Variants in GARRE1 observed in about 807,000 individuals in gnomAD.
The protein encoded by GARRE1 is granule associated Rac and RHOG effector protein 1.
GARRE1 carries 49 observed loss-of-function variants against 103.2 expected under a neutral mutation model. The ratio of observed to expected loss-of-function variants is 0.47; its 90% confidence interval spans 0.38 to 0.60. GARRE1 has a LOEUF of 0.60. Among genes scored for constraint, GARRE1 ranks in the 20% least tolerant of loss-of-function variants. The pLI is 0.00. For synonymous variants in GARRE1, 505 were observed against 532.8 expected, an observed-to-expected ratio of 0.95 and a Z score of 0.72; for missense variants, 1,199 against 1,370.5, an observed-to-expected ratio of 0.87 and a Z score of 1.98.
chr19:34,320,803 C>T (rs1206549158), intron 3 of GARRE1, among the ~76,000 whole-genome samples: 1 of 151,088 alleles, frequency 6.6e-6, no homozygotes, highest in African/African-American at 2.4e-5. Flanking sequence ...CTCACTACAG[C>T]CTGTACCTCC....
At chr19:34,288,522 G>A (rs561391474) in intron 1 of GARRE1, among the ~76,000 whole-genome samples, 8 of 152,188 alleles carry the variant, frequency 5.3e-5, no homozygotes, top group Non-Finnish European at 8.8e-5. Flanking sequence ...GGGCTGTGTG[G>A]AGAGCTGTGG....
In GARRE1 at chr19:34,300,469, C is replaced by T. The variant is rs2073971509; in HGVS notation, c.-5C>T. The T allele has an allele frequency of 1.9e-6, 3 of 1,547,798 alleles. No individual in the cohort carries two copies. In the East Asian group the frequency reaches 6.8e-5, roughly 35 times the overall value. Reference sequence around the variant, plus strand: ...TACGGTTGCTGGGACAATTCCCCCTCCCGCATGTATTGCTGCAGTGCCCAG... The same window carrying T: ...TACGGTTGCTGGGACAATTCCCCCTTCCGCATGTATTGCTGCAGTGCCCAG... On this transcript the variant is annotated 5_prime_UTR_variant, in exon 2 of 14. Coordinates refer to ENST00000299505, the MANE Select transcript of GARRE1 (RefSeq NM_014686.5).
In GARRE1 at chr19:34,353,009, GA is replaced by G; in HGVS notation, c.*55del. 1 of 1,453,412 alleles carries G rather than the reference GA, an allele frequency of 6.9e-7. No homozygotes were observed. Among genetic ancestry groups the G allele is most frequent in the Non-Finnish European group, 9.2e-7 (1 of 1,089,954 alleles). 90.0% of individuals were successfully genotyped at this position (1,453,412 alleles called of 1,614,324 possible). A position where few individuals can be genotyped will look rare whatever the true frequency, so the allele number is the denominator to read the frequency against. On this transcript the variant is annotated 3_prime_UTR_variant, in exon 14 of 14. Coordinates refer to ENST00000299505, the MANE Select transcript of GARRE1 (RefSeq NM_014686.5). ...CTGCCTGCCCGCCCAGAGCTGTGGG[GA>G]TGAGTGTCCCCACCCCAGGGCCACT...
intron 1 of GARRE1, among the ~76,000 whole-genome samples, chr19:34,288,349 C>T (rs1387135692): frequency 6.6e-6 from 1 of 152,134 alleles, no homozygotes; most frequent in African/African-American, 2.4e-5. Context: ...TGTGACTCTT[C>T]CCCCACCATC....
intron 1 of GARRE1, among the ~76,000 whole-genome samples, chr19:34,279,481 C>T (rs1381033284): frequency 2.0e-5 from 3 of 151,652 alleles, no homozygotes; most frequent in Admixed American, 2.0e-4. Context: ...TTAGTAGAGA[C>T]GAGGTTTCTC....
At chr19:34,327,080 G>C (rs769963085) in intron 3 of GARRE1, among the ~76,000 whole-genome samples, 24 of 151,816 alleles carry the variant, frequency 1.6e-4, no homozygotes, top group African/African-American at 5.8e-4. Context: ...GCTTGAACTC[G>C]GGAGGCGGAG....
chr19:34,333,694 T>TTA lies in GARRE1; in HGVS notation c.1264-10_1264-9insTA. ...TGTTATTTGTTTTTTTTTTTTTTTT[T>TTA]CGATCTTAGGTGGTGGTTGACACAG... On this transcript the variant is annotated splice_polypyrimidine_tract_variant and intron_variant, in intron 7 of 13. Coordinates refer to ENST00000299505, the MANE Select transcript of GARRE1 (RefSeq NM_014686.5). 7.2e-7 allele frequency: 1 copy of TTA among 1,398,172 alleles called. No homozygotes were observed. Among genetic ancestry groups the TTA allele is most frequent in the Non-Finnish European group, 9.9e-7 (1 of 1,010,740 alleles). 86.6% of individuals were successfully genotyped at this position (1,398,172 alleles called of 1,614,324 possible).
rs1201593349 is a variant in GARRE1 at position 34,328,111 on chromosome 19, C to T, written c.1064C>T (p.Ser355Phe). 1.2e-6 allele frequency: 2 copies of T among 1,614,034 alleles called. No individual in the cohort carries two copies. Among genetic ancestry groups the T allele is most frequent in the African/African-American group, 1.3e-5 (1 of 74,922 alleles). ...QIGSHFLKGV[S>F]FNESAADNLK... ...GGATCGCACTTCCTGAAGGGCGTCT[C>T]CTTTAATGAGTCGGCCGCCGACAAT... The change falls in exon 6 of 14, where the codon TCC (serine) becomes TTC (phenylalanine). Residue 355 changes from serine to phenylalanine, a missense_variant. Physicochemically the swap from Ser to Phe is radical, Grantham distance 155. Transcript: ENST00000299505.
At chr19:34,307,426 C>T (rs1468958502) in intron 2 of GARRE1, among the ~76,000 whole-genome samples, 2 of 151,780 alleles carry the variant, frequency 1.3e-5, no homozygotes, top group Non-Finnish European at 2.9e-5. Flanking sequence ...TTGTATGTCT[C>T]TAAGGAGACT....
intron 2 of GARRE1, among the ~76,000 whole-genome samples, chr19:34,315,628 A>G (rs532950107): frequency 2.4e-4 from 35 of 147,702 alleles, no homozygotes; most frequent in South Asian, 1.8e-3. Flanking sequence ...GGAGAATGGC[A>G]TGAACCCGCG....
chr19:34,352,437 C>T (rs1000906068), intron 13 of GARRE1, among the ~76,000 whole-genome samples: 3 of 151,346 alleles, frequency 2.0e-5, no homozygotes, highest in Non-Finnish European at 4.4e-5. Flanking sequence ...TCAGTTTGCA[C>T]TAGTCACATG....
intron 1 of GARRE1, among the ~76,000 whole-genome samples, chr19:34,264,016 C>T (rs1224870037): frequency 6.6e-6 from 1 of 152,074 alleles, no homozygotes; most frequent in Non-Finnish European, 1.5e-5. Context: ...TTGTAAAGTC[C>T]TTGGAACAGT....
Position 34,341,543 on chromosome 19 carries a change from T to C in GARRE1, c.1609T>C (p.Ser537Pro). The change falls in exon 10 of 14, where the codon TCC becomes CCC. Residue 537 changes from serine to proline, a missense_variant. Coordinates refer to ENST00000299505, the MANE Select transcript of GARRE1 (RefSeq NM_014686.5). ...KSSGGLQKTF[S>P]KLTSRFTKKA... ...TTCAGGTGGCCTGCAGAAGACATTC[T>C]CCAAACTGACATCCCGGTTCACCAA... 1 of 1,614,144 alleles carries C rather than the reference T, an allele frequency of 6.2e-7. No homozygotes were observed. Among genetic ancestry groups the C allele is most frequent in the Non-Finnish European group, 8.5e-7 (1 of 1,180,026 alleles).
At chr19:34,311,002 G>A (rs756932545) in intron 2 of GARRE1, among the ~76,000 whole-genome samples, 5 of 147,436 alleles carry the variant, frequency 3.4e-5, no homozygotes, top group African/African-American at 5.0e-5. Context: ...TTCTGCCCCC[G>A]CCCCCCCGCA....
chr19:34,321,598 C>T (rs1007321518), intron 3 of GARRE1, among the ~76,000 whole-genome samples: 46 of 152,100 alleles, frequency 3.0e-4, no homozygotes, highest in East Asian at 7.7e-4. Flanking sequence ...GGATTACAGG[C>T]GCCCGCCACC....
intron 1 of GARRE1, among the ~76,000 whole-genome samples, chr19:34,283,754 C>G (rs560379972): frequency 1.3e-5 from 2 of 151,888 alleles, no homozygotes; most frequent in East Asian, 3.9e-4. Context: ...TGGCTGACCA[C>G]TTTTCATGTC....
chr19:34,316,105 A>T (rs2074059264), intron 2 of GARRE1, among the ~76,000 whole-genome samples: 1 of 152,164 alleles, frequency 6.6e-6, no homozygotes, highest in African/African-American at 2.4e-5. Context: ...CTGGTGTCAG[A>T]TCCCTACTTA....
At chr19:34,255,348 C>G (rs918619903) in intron 1 of GARRE1, among the ~76,000 whole-genome samples, 4 of 152,206 alleles carry the variant, frequency 2.6e-5, no homozygotes, top group African/African-American at 4.8e-5. Flanking sequence ...TAGAAATTTT[C>G]CAGAGACTCA....
At chr19:34,264,060 T>TG (rs1268227226) in intron 1 of GARRE1, among the ~76,000 whole-genome samples, 1 of 152,184 alleles carries the variant, frequency 6.6e-6, no homozygotes. Flanking sequence ...TCGTCTCTGT[T>TG]GCTCTGTCCC....
Sources: allele counts gnomAD v4.1 joint callset (sites outside exome capture counted in the v4.1 genomes callset), GRCh38; gene constraint gnomAD v4.1.1; transcripts MANE v1.5; gene names NCBI Gene and HGNC (gene_info 2026-07-23, HGNC 2026-07-21).